Variants in GLIS1 observed in about 807,000 individuals in gnomAD.
The protein encoded by GLIS1 is GLIS family zinc finger 1.
A neutral mutation model predicts 63.8 loss-of-function variants in GLIS1; 24 were observed. That is an observed-to-expected ratio of 0.38 (90% confidence interval 0.27 to 0.53). The LOEUF is 0.53. Ranked by LOEUF, GLIS1 falls within the 20% of genes least tolerant of loss-of-function variation. The pLI, the probability that GLIS1 is intolerant of heterozygous loss-of-function variation, is 0.85. For synonymous variants in GLIS1, 450 were observed against 482.5 expected (o/e 0.93, Z 0.88); for missense variants, 1,036 against 1,074.1 (o/e 0.96, Z 0.50).
chr1:53,633,834 A>G (rs1473566069), intron 2 of GLIS1, among the ~76,000 whole-genome samples: 1 of 152,160 alleles, frequency 6.6e-6, no homozygotes, highest in Non-Finnish European at 1.5e-5. Flanking sequence ...AAATTGCCCC[A>G]GCTGAGAACC....
chr1:53,540,570 C>A (rs936555641), intron 4 of GLIS1, among the ~76,000 whole-genome samples: 5 of 152,158 alleles, frequency 3.3e-5, no homozygotes, highest in Non-Finnish European at 7.3e-5. Context: ...TAACATTAGT[C>A]CCCTTTTGGG....
At chr1:53,737,407 G>T (rs1297553116) in intron 2 of GLIS1, among the ~76,000 whole-genome samples, 1 of 152,192 alleles carries the variant, frequency 6.6e-6, no homozygotes, top group Admixed American at 6.5e-5. Flanking sequence ...CTTGCTAAAG[G>T]CCTCTGGGTT....
In GLIS1 at chr1:53,673,894, G is replaced by A. The variant is rs182283240; in HGVS notation, c.259+63912C>T. Among the ~76,000 whole-genome samples the A allele has an allele frequency of 2.4e-3, 362 of 152,312 alleles. 7 individuals carry two copies. The South Asian group carries it at 0.031, about 13-fold the overall frequency. On this transcript the variant is annotated intron_variant, in intron 2 of 10. Coordinates refer to ENST00000628545, the MANE Select transcript of GLIS1 (RefSeq NM_001367484.1). Reference sequence around the variant, plus strand: ...TTATGGTTAAGAATCCACTGAGGCCGGGAGCGGTGGCTCACGCCTGTAATC... The same window carrying A: ...TTATGGTTAAGAATCCACTGAGGCCAGGAGCGGTGGCTCACGCCTGTAATC...
intron 2 of GLIS1, among the ~76,000 whole-genome samples, chr1:53,604,215 T>C (rs995033185): frequency 1.8e-4 from 28 of 152,322 alleles, no homozygotes; most frequent in African/African-American, 6.7e-4. Flanking sequence ...AAGGGAAACA[T>C]GTTGTCCCCA....
chr1:53,659,165 G>A (rs1645999825), intron 2 of GLIS1, among the ~76,000 whole-genome samples: 1 of 152,180 alleles, frequency 6.6e-6, no homozygotes, highest in Non-Finnish European at 1.5e-5. Flanking sequence ...GAATGGCTCT[G>A]CAAGCAAGGA....
rs1056397784 is a variant in GLIS1, at chr1:53,528,825, C to A, written c.1482+966G>T. Among the ~76,000 whole-genome samples the A allele has an allele frequency of 3.9e-5, 6 of 152,048 alleles. No individual in the cohort carries two copies. The East Asian group carries it at 5.8e-4, about 15-fold the overall frequency. ...CCCCCAGCCTCTGACCCACAGAGTT[C>A]CCCAAACACCTGCAGGAAGCATAGA... On this transcript the variant is annotated intron_variant, in intron 5 of 10. Transcript: ENST00000628545.
chr1:53,738,714 G>A lies in GLIS1; in HGVS notation c.-43+391C>T, dbSNP rs559277073. On this transcript the variant is annotated intron_variant, in intron 1 of 10. Coordinates refer to ENST00000628545, the MANE Select transcript of GLIS1 (RefSeq NM_001367484.1). ...GACGCGAACCCATCACGCGCAGCCGGGACACCCACATTCCTATGCGCAGCG... is the reference window on the plus strand; with the variant it reads ...GACGCGAACCCATCACGCGCAGCCGAGACACCCACATTCCTATGCGCAGCG... 1.8e-4 allele frequency among the ~76,000 whole-genome samples: 27 copies of A among 152,292 alleles called. No homozygotes were observed. The South Asian group carries it at 5.0e-3, about 28-fold the overall frequency.
intron 4 of GLIS1, among the ~76,000 whole-genome samples, chr1:53,570,916 T>C (rs981261613): frequency 5.3e-5 from 8 of 152,148 alleles, no homozygotes; most frequent in African/African-American, 1.7e-4. Context: ...GACATTTTAC[T>C]GCAGACACAA....
chr1:53,729,997 G>A (rs1187267628), intron 2 of GLIS1, among the ~76,000 whole-genome samples: 1 of 152,154 alleles, frequency 6.6e-6, no homozygotes, highest in Non-Finnish European at 1.5e-5. Flanking sequence ...ACAGGTTTGG[G>A]GAGTGGAAGT....
chr1:53,657,312 AC>A (rs1227009751), intron 2 of GLIS1, among the ~76,000 whole-genome samples: 1 of 152,210 alleles, frequency 6.6e-6, no homozygotes, highest in African/African-American at 2.4e-5. Context: ...GGCACCCAGC[AC>A]CTGTATATTC....
chr1:53,515,816 TAAAA>T (rs58953406), intron 7 of GLIS1, among the ~76,000 whole-genome samples: 1,312 of 69,146 alleles, frequency 0.019, 15 homozygotes, highest in African/African-American at 0.051. Flanking sequence ...CTATTTTATC[TAAAA>T]AAAAAAAAAA....
At chr1:53,681,423 C>G (rs1403894010) in intron 2 of GLIS1, among the ~76,000 whole-genome samples, 1 of 152,182 alleles carries the variant, frequency 6.6e-6, no homozygotes, top group African/African-American at 2.4e-5. Flanking sequence ...AGGACAATGC[C>G]AAGTAGGGAG....
At chr1:53,563,203 G>A (rs1334889033) in intron 4 of GLIS1, among the ~76,000 whole-genome samples, 1 of 152,232 alleles carries the variant, frequency 6.6e-6, no homozygotes, top group Non-Finnish European at 1.5e-5. Context: ...CATGCTCAAA[G>A]GTGACCAAAC....
chr1:53,698,138 C>G (rs1229288329), intron 2 of GLIS1, among the ~76,000 whole-genome samples: 2 of 142,626 alleles, frequency 1.4e-5, no homozygotes, highest in Non-Finnish European at 3.0e-5. Context: ...AAGAACCAAC[C>G]AGAAAGTCTC....
intron 2 of GLIS1, among the ~76,000 whole-genome samples, chr1:53,679,656 G>C (rs1275528043): frequency 1.3e-5 from 2 of 152,198 alleles, no homozygotes; most frequent in Non-Finnish European, 2.9e-5. Flanking sequence ...CCACAGAGAT[G>C]AGAGCTCAAA....
In GLIS1 at chr1:53,696,731, C is replaced by T. The variant is rs1478938344; in HGVS notation, c.259+41075G>A. Reference sequence around the variant, plus strand: ...TCATACGTGCTGTCTGCTTTCCCACCATTACACTTTGCCCATGCCGCCTGG... The same window carrying T: ...TCATACGTGCTGTCTGCTTTCCCACTATTACACTTTGCCCATGCCGCCTGG... On this transcript the variant is annotated intron_variant, in intron 2 of 10. Coordinates refer to ENST00000628545, the MANE Select transcript of GLIS1 (RefSeq NM_001367484.1). 2.0e-5 allele frequency among the ~76,000 whole-genome samples: 3 copies of T among 152,332 alleles called. No homozygotes were observed. The South Asian group carries it at 6.2e-4, about 32-fold the overall frequency.
intron 1 of GLIS1, among the ~76,000 whole-genome samples, 162 bp downstream of exon 1, chr1:53,738,929 GCCGCGACAGAGCCT>G (rs973969438): frequency 1.3e-5 from 2 of 152,162 alleles, no homozygotes; most frequent in Admixed American, 1.3e-4. Context: ...TGCGATGGGG[GCCGCGACAGAGCCT>G]CCCTCAGCCC....
intron 5 of GLIS1, among the ~76,000 whole-genome samples, chr1:53,528,256 G>T (rs1161185152): frequency 6.6e-6 from 1 of 152,166 alleles, no homozygotes; most frequent in African/African-American, 2.4e-5. Flanking sequence ...GAGGACTGTT[G>T]GGTTCAGGTT....
chr1:53,552,669 C>T (rs552135195), intron 4 of GLIS1, among the ~76,000 whole-genome samples: 1 of 152,296 alleles, frequency 6.6e-6, no homozygotes, highest in African/African-American at 2.4e-5. Context: ...TGAATCGGCT[C>T]GTGCCCACAG....
Sources: gnomAD v4.1 joint callset for allele counts (sites outside exome capture counted in the v4.1 genomes callset) on GRCh38, gnomAD v4.1.1 for gene constraint, MANE v1.5 for transcripts, NCBI Gene and HGNC (gene_info 2026-07-23, HGNC 2026-07-21) for gene names.